The following CDK6 variants were observed in gnomAD, a reference collection of about 807,000 sequenced individuals.
CDK6 encodes the protein cyclin-dependent kinase 6.
In CDK6, 6 loss-of-function variants were observed where a neutral mutation model predicts 37.1. That is an observed-to-expected ratio of 0.16 (90% CI 0.09 to 0.32). The LOEUF (loss-of-function observed/expected upper bound fraction) is 0.32. CDK6 is among the 10% of genes least tolerant of loss of function. The pLI is 1.00. For missense variants in CDK6, 224 were observed against 418.9 expected (o/e 0.53, Z 4.06); for synonymous variants, 160 against 161.3 (o/e 0.99, Z 0.06).
At chr7:92,704,279 C>T (rs1055728985) in intron 4 of CDK6, among the ~76,000 whole-genome samples, 5 of 152,130 alleles carry the variant, frequency 3.3e-5, no homozygotes, top group Non-Finnish European at 4.4e-5. Flanking sequence ...AGCTCAGTGA[C>T]TGGCCAGCAG....
chr7:92,706,080 G>GT (rs1458694757), intron 4 of CDK6, among the ~76,000 whole-genome samples: 1 of 152,204 alleles, frequency 6.6e-6, no homozygotes, highest in South Asian at 2.1e-4. Context: ...TATGTTATCT[G>GT]TGACATTAAT....
In CDK6 at chr7:92,610,744, T is replaced by C. The variant is rs1450089934; in HGVS notation, c.*4396A>G. 4.4e-6 allele frequency: 1 copy of C among 228,058 alleles called. No homozygotes were observed. The highest frequency in any genetic ancestry group is 8.7e-6 in the Non-Finnish European group (1 of 114,944). The allele number at this position is 228,058 out of a possible 1,614,324, so 14.1% of individuals were successfully genotyped here. ...TCAATAAGTTTTTCCACTGTGGAGA[T>C]GGAACATGTAAATATCTTCCTAATT... On this transcript the variant is annotated 3_prime_UTR_variant, in exon 8 of 8. Coordinates refer to ENST00000424848, the MANE Select transcript of CDK6 (RefSeq NM_001145306.2).
intron 3 of CDK6, among the ~76,000 whole-genome samples, chr7:92,759,593 G>A (rs1799402138): frequency 6.6e-6 from 1 of 150,538 alleles, no homozygotes; most frequent in South Asian, 2.1e-4. Flanking sequence ...CTTTCTGCAA[G>A]TGATGTGTCC....
chr7:92,825,785 C>T (rs1801296522), intron 2 of CDK6, among the ~76,000 whole-genome samples: 1 of 152,108 alleles, frequency 6.6e-6, no homozygotes, highest in Non-Finnish European at 1.5e-5. Context: ...ACCTTACTTT[C>T]TTACATTTGA....
At position 92,615,094 on chromosome 7, in the gene CDK6, C is replaced by T; in HGVS notation, c.*46G>A. The stretch of plus-strand genomic sequence containing the variant: ...CTTGCTGAGGGGGACCCATAAGCCA[C>T]CAAGGGTGTTCTCCGCAGGATCAGC... On this transcript the variant is annotated 3_prime_UTR_variant, in exon 8 of 8. Transcript: ENST00000424848. 1 of 1,608,420 alleles carries T rather than the reference C, an allele frequency of 6.2e-7. No homozygotes were observed. The highest frequency in any genetic ancestry group is 8.5e-7 in the Non-Finnish European group (1 of 1,177,144).
chr7:92,683,419 A>T (rs1470335667), intron 4 of CDK6, among the ~76,000 whole-genome samples: 1 of 152,244 alleles, frequency 6.6e-6, no homozygotes, highest in Non-Finnish European at 1.5e-5. Flanking sequence ...GCAAGTGATG[A>T]GGGAAATGGA....
chr7:92,816,035 A>G (rs570224228), intron 2 of CDK6, among the ~76,000 whole-genome samples: 31 of 152,294 alleles, frequency 2.0e-4, no homozygotes, highest in Non-Finnish European at 4.1e-4. Flanking sequence ...CAAACTAAAA[A>G]TAAGCCTTGG....
intron 4 of CDK6, among the ~76,000 whole-genome samples, chr7:92,671,998 A>G (rs1364452553): frequency 1.3e-5 from 2 of 151,348 alleles, no homozygotes; most frequent in African/African-American, 4.9e-5. Flanking sequence ...GAGGGTAGAG[A>G]AAGGGGTGAA....
rs149044300 is a variant in CDK6 at position 92,758,471 on chromosome 7, T to C, written c.369+16225A>G. On this transcript the variant is annotated intron_variant, in intron 3 of 7. Coordinates refer to ENST00000424848, the MANE Select transcript of CDK6 (RefSeq NM_001145306.2). ...TGTGTGGCCTCATTTCTGGGCTCTCTATTCTGTTCCATTGGTCTATGTGTC... is the reference window on the plus strand; with the variant it reads ...TGTGTGGCCTCATTTCTGGGCTCTCCATTCTGTTCCATTGGTCTATGTGTC... 5.6e-3 allele frequency among the ~76,000 whole-genome samples: 850 copies of C among 152,302 alleles called. 4 individuals are homozygous for C. The highest frequency in any genetic ancestry group is 0.02 in the African/African-American group (813 of 41,564).
chr7:92,735,801 A>G (rs1006281486), intron 3 of CDK6, among the ~76,000 whole-genome samples: 1 of 152,134 alleles, frequency 6.6e-6, no homozygotes, highest in African/African-American at 2.4e-5. Flanking sequence ...GAACATTCTC[A>G]CCGATTAAAC....
chr7:92,808,910 T>A (rs746051821), intron 2 of CDK6, among the ~76,000 whole-genome samples: 1 of 152,246 alleles, frequency 6.6e-6, no homozygotes, highest in Non-Finnish European at 1.5e-5. Flanking sequence ...GTCAGGGCTA[T>A]GTTTTCTGTA....
At chr7:92,767,215 C>T (rs1799604363) in intron 3 of CDK6, among the ~76,000 whole-genome samples, 1 of 152,166 alleles carries the variant, frequency 6.6e-6, no homozygotes, top group Non-Finnish European at 1.5e-5. Flanking sequence ...TCCTCTTTCT[C>T]TTCTGATATT....
At chr7:92,643,560 T>G (rs1218636673) in intron 5 of CDK6, among the ~76,000 whole-genome samples, 1 of 152,208 alleles carries the variant, frequency 6.6e-6, no homozygotes, top group Non-Finnish European at 1.5e-5. Flanking sequence ...AAAAAGCCTC[T>G]TTAAGGAGGT....
At chr7:92,786,525 A>G (rs1562965042) in intron 2 of CDK6, among the ~76,000 whole-genome samples, 1 of 152,052 alleles carries the variant, frequency 6.6e-6, no homozygotes, top group Non-Finnish European at 1.5e-5. Flanking sequence ...TTTAATGACA[A>G]AACTGCACAA....
chr7:92,766,970 C>A (rs1799596588), intron 3 of CDK6, among the ~76,000 whole-genome samples: 1 of 152,152 alleles, frequency 6.6e-6, no homozygotes, highest in Admixed American at 6.5e-5. Context: ...CCCCTACCAC[C>A]ACTATCAACC....
At chr7:92,827,740 C>A (rs901874582) in intron 2 of CDK6, among the ~76,000 whole-genome samples, 11 of 152,164 alleles carry the variant, frequency 7.2e-5, no homozygotes, top group African/African-American at 2.7e-4. Context: ...ACTAACTTCT[C>A]CTGTTAACAA....
chr7:92,722,912 C>T (rs1798400670), intron 4 of CDK6, among the ~76,000 whole-genome samples: 1 of 152,164 alleles, frequency 6.6e-6, no homozygotes, highest in African/African-American at 2.4e-5. Context: ...AGGCTGGGCA[C>T]AGTGGCTTAT....
In CDK6 at chr7:92,610,773, T is replaced by C. The variant is rs1562908413; in HGVS notation, c.*4367A>G. 4.4e-6 allele frequency: 1 copy of C among 227,522 alleles called. No individual in the cohort carries two copies. The highest frequency in any genetic ancestry group is 2.2e-5 in the African/African-American group (1 of 45,082). 14.1% of individuals were successfully genotyped at this position (227,522 alleles called of 1,614,324 possible). The stretch of plus-strand genomic sequence containing the variant: ...ACATGTAAATATCTTCCTAATTATA[T>C]ACCCAAATATACTTAATGGACATGA... On this transcript the variant is annotated 3_prime_UTR_variant, in exon 8 of 8. Coordinates refer to ENST00000424848, the MANE Select transcript of CDK6 (RefSeq NM_001145306.2).
intron 2 of CDK6, among the ~76,000 whole-genome samples, chr7:92,783,718 T>C (rs868265701): frequency 1.3e-5 from 2 of 152,198 alleles, no homozygotes; most frequent in African/African-American, 4.8e-5. Context: ...TCTTGCACTA[T>C]AGTAAATTTT....
Sources: gnomAD v4.1 joint callset for allele counts (sites outside exome capture counted in the v4.1 genomes callset) on GRCh38, gnomAD v4.1.1 for gene constraint, MANE v1.5 for transcripts, NCBI Gene and HGNC (gene_info 2026-07-23, HGNC 2026-07-21) for gene names.